SDE2: variants seen among roughly 807,000 people sequenced by gnomAD.
SDE2 encodes the protein spliceosome associated SDE2, also known as splicing regulator SDE2.
SDE2 carries 31 observed loss-of-function variants against 46.9 expected under a neutral mutation model. That is an observed-to-expected ratio of 0.66 (90% CI 0.50 to 0.89). SDE2 has a LOEUF of 0.89. Ranked by LOEUF, SDE2 falls within the 40% of genes least tolerant of loss-of-function variation. SDE2 has a pLI of 0.00. For missense variants in SDE2, 542 were observed against 564.4 expected, an observed-to-expected ratio of 0.96 and a Z score of 0.40; for synonymous variants, 205 against 204.3, an observed-to-expected ratio of 1.00 and a Z score of -0.03.
intron 5 of SDE2, among the ~76,000 whole-genome samples, chr1:225,990,572 T>TA (rs1656376617): frequency 6.6e-6 from 1 of 152,086 alleles, no homozygotes; most frequent in Non-Finnish European, 1.5e-5. Flanking sequence ...TAAACCTCAT[T>TA]AAAAAAATAC....
chr1:225,991,726 C>T (rs909936085), intron 4 of SDE2, among the ~76,000 whole-genome samples: 3 of 152,138 alleles, frequency 2.0e-5, no homozygotes, highest in African/African-American at 7.2e-5. Context: ...TTCGATTGTT[C>T]CCATACTAGG....
chr1:225,992,484 A>G lies in SDE2; in HGVS notation c.434T>C (p.Val145Ala), dbSNP rs755707070. ...GCTGGTGAAGCAGTGCTTGGGTTCT[A>G]CAAGCTTCCGCTGCAGTCGCTCCAG... ...KRLERLQRKL[V>A]EPKHCFTSPD... is the part of the protein sequence containing the mutation. The change falls in exon 4 of 7, where the codon GTA becomes GCA. Residue 145 changes from valine to alanine, a missense_variant. Val to Ala is a moderately conservative substitution (Grantham distance 64). Transcript: ENST00000272091. 2.5e-6 allele frequency: 4 copies of G among 1,612,854 alleles called. No homozygotes were observed. In the East Asian group the frequency reaches 6.7e-5, roughly 27 times the overall value.
At chr1:225,995,858 T>C (rs1656511031) in intron 1 of SDE2, among the ~76,000 whole-genome samples, 1 of 152,126 alleles carries the variant, frequency 6.6e-6, no homozygotes, top group Non-Finnish European at 1.5e-5. Context: ...AAGTACACCA[T>C]AGGAGACATA....
At chr1:225,989,846 C>T (rs917892625) in intron 5 of SDE2, among the ~76,000 whole-genome samples, 2 of 151,870 alleles carry the variant, frequency 1.3e-5, no homozygotes, top group African/African-American at 4.8e-5. Flanking sequence ...GAGGCTGAGG[C>T]GCGAGGATCA....
Position 225,991,369 on chromosome 1 carries a change from C to T in SDE2, c.521-6G>A, listed in dbSNP as rs755401891. The T allele has an allele frequency of 6.2e-7, 1 of 1,611,192 alleles. No individual in the cohort carries two copies. Among genetic ancestry groups the T allele is most frequent in the Non-Finnish European group, 8.5e-7 (1 of 1,177,906 alleles). ...GCTGGAGGCAGCCTGCATACCTAAC[C>T]AGAAATTTTAACAACTCAGTTTCTA... On this transcript the variant is annotated splice_polypyrimidine_tract_variant and splice_region_variant and intron_variant, in intron 4 of 6. Transcript: ENST00000272091.
chr1:225,992,931 G>A lies in SDE2; in HGVS notation c.310C>T (p.Leu104Phe). ...ACATCGCGTAGTCTCCTTCCACTGAGATCCCGACAAGCTTCTCGATTGGTT... is the reference window on the plus strand; with the variant it reads ...ACATCGCGTAGTCTCCTTCCACTGAAATCCCGACAAGCTTCTCGATTGGTT... ...KTTNREACRD[L>F]SGRRLRDVNH... The change falls in exon 3 of 7, where the codon CTC becomes TTC. Residue 104 changes from leucine to phenylalanine, a missense_variant. Transcript: ENST00000272091. 6.2e-7 allele frequency: 1 copy of A among 1,613,378 alleles called. No homozygotes were observed. The highest frequency in any genetic ancestry group is 8.5e-7 in the Non-Finnish European group (1 of 1,179,366).
intron 6 of SDE2, among the ~76,000 whole-genome samples, 178 bp from the exon 7 acceptor site, chr1:225,985,701 CTA>C (rs1414516743): frequency 6.6e-6 from 1 of 152,172 alleles, no homozygotes; most frequent in Non-Finnish European, 1.5e-5. Context: ...CACATAATAA[CTA>C]ATTTTTCATC....
At position 225,985,051 on chromosome 1, in the gene SDE2, G is replaced by A. The variant is rs1656238045; in HGVS notation, c.*251C>T. On this transcript the variant is annotated 3_prime_UTR_variant, in exon 7 of 7. Transcript: ENST00000272091. The stretch of plus-strand genomic sequence containing the variant: ...AGATTCATTACCTAAATGACACCAA[G>A]ATCAAACCAAAAAATGTGAATAGCC... 1 of 464,916 alleles carries A rather than the reference G, an allele frequency of 2.2e-6. No homozygotes were observed. The highest frequency in any genetic ancestry group is 3.9e-5 in the Admixed American group (1 of 25,902). The allele number at this position is 464,916 out of a possible 1,614,324, so 28.8% of individuals were successfully genotyped here.
At chr1:225,992,707 C>CAT (rs1403415230) in intron 3 of SDE2, 140 bp from the exon 4 acceptor site, 4 of 674,242 alleles carry the variant, frequency 5.9e-6, no homozygotes, top group Non-Finnish European at 1.0e-5. Context: ...TTACTACTAG[C>CAT]ATATGGTACT....
Position 225,983,215 on chromosome 1 carries a change from T to C in SDE2, c.*2087A>G, listed in dbSNP as rs1656191987. The stretch of plus-strand genomic sequence containing the variant: ...TAAATTAATAGAAAGAGGTATACTG[T>C]GCAAACACTAAGCTTAAGAAGGCTG... On this transcript the variant is annotated 3_prime_UTR_variant, in exon 7 of 7. Coordinates refer to ENST00000272091, the MANE Select transcript of SDE2 (RefSeq NM_152608.4). 1.3e-5 allele frequency: 2 copies of C among 152,214 alleles called. No individual in the cohort carries two copies. The allele number at this position is 152,214 out of a possible 1,614,324, so 9.4% of individuals were successfully genotyped here.
chr1:225,986,605 T>G (rs941689838), intron 6 of SDE2, among the ~76,000 whole-genome samples: 1 of 152,208 alleles, frequency 6.6e-6, no homozygotes, highest in African/African-American at 2.4e-5. Flanking sequence ...ACTTGGTTGT[T>G]AGGAATACAA....
chr1:225,985,530 G>GA lies in SDE2; in HGVS notation c.1135-8dup, dbSNP rs891678189. ...TAGTTTCCTTATCAATAACCTGAGG[G>GA]AAAAAAATAAGAAAATATTTAAAAC... On this transcript the variant is annotated splice_region_variant and splice_polypyrimidine_tract_variant and intron_variant, in intron 6 of 6. Coordinates refer to ENST00000272091, the MANE Select transcript of SDE2 (RefSeq NM_152608.4). The GA allele has an allele frequency of 4.5e-6, 7 of 1,559,050 alleles. No individual in the cohort carries two copies. The highest frequency in any genetic ancestry group is 1.1e-5 in the South Asian group (1 of 89,002).
At chr1:225,988,480 C>T (rs1334758726) in intron 5 of SDE2, 92 bp from the exon 6 acceptor site, 1 of 1,382,820 alleles carries the variant, frequency 7.2e-7, no homozygotes. Context: ...CCTGTAATCC[C>T]AGGACTTTGG....
rs994230259 is a variant in SDE2, at chr1:225,983,611, C to G, written c.*1691G>C. The G allele has an allele frequency of 6.6e-6, 1 of 152,066 alleles. No homozygotes were observed. Among genetic ancestry groups the G allele is most frequent in the Non-Finnish European group, 1.5e-5 (1 of 68,014 alleles). The allele number at this position is 152,066 out of a possible 1,614,324, so 9.4% of individuals were successfully genotyped here. A position where few individuals can be genotyped will look rare whatever the true frequency, so the allele number is the denominator to read the frequency against. The stretch of plus-strand genomic sequence containing the variant: ...TGCCCAGGCTGGTCTCGAAATGATC[C>G]TCCCACCTCAGCCTCTCAAATTACA... On this transcript the variant is annotated 3_prime_UTR_variant, in exon 7 of 7. Coordinates refer to ENST00000272091, the MANE Select transcript of SDE2 (RefSeq NM_152608.4).
At chr1:225,986,047 T>C (rs540065870) in intron 6 of SDE2, among the ~76,000 whole-genome samples, 43 of 152,266 alleles carry the variant, frequency 2.8e-4, no homozygotes, top group African/African-American at 8.9e-4. Flanking sequence ...AGTGCCTTTA[T>C]AGACTTTAAG....
chr1:225,986,384 A>G (rs1351854235), intron 6 of SDE2, among the ~76,000 whole-genome samples: 1 of 152,150 alleles, frequency 6.6e-6, no homozygotes, highest in Non-Finnish European at 1.5e-5. Context: ...TACCTTGAAA[A>G]GAATGAAAAT....
At position 225,982,829 on chromosome 1, in the gene SDE2, A is replaced by G. The variant is rs1656160484; in HGVS notation, c.*2473T>C. 1 of 152,202 alleles carries G rather than the reference A, an allele frequency of 6.6e-6. No homozygotes were observed. Among genetic ancestry groups the G allele is most frequent in the Non-Finnish European group, 1.5e-5 (1 of 68,034 alleles). The allele number at this position is 152,202 out of a possible 1,614,324, so 9.4% of individuals were successfully genotyped here. On this transcript the variant is annotated 3_prime_UTR_variant, in exon 7 of 7. Transcript: ENST00000272091. ...ATTTAAATATGTAGATTTAATATGTATGACAACTACAGCATAAAAGACAGG... is the reference window on the plus strand; with the variant it reads ...ATTTAAATATGTAGATTTAATATGTGTGACAACTACAGCATAAAAGACAGG...
intron 4 of SDE2, 128 bp from the exon 5 acceptor site, chr1:225,991,491 T>C (rs1656400704): frequency 1.6e-6 from 1 of 631,090 alleles, no homozygotes; most frequent in Non-Finnish European, 2.7e-6. Flanking sequence ...GATACCAACA[T>C]TTTATACAGT....
rs1558085699 is a variant in SDE2 at position 225,995,417 on chromosome 1, T to C, written c.121-34A>G. 6 of 1,077,564 alleles carry C rather than the reference T, an allele frequency of 5.6e-6. No homozygotes were observed. In the South Asian group the frequency reaches 7.6e-5, roughly 14 times the overall value. The allele number at this position is 1,077,564 out of a possible 1,614,324, so 66.8% of individuals were successfully genotyped here. ...AAATTTGTTTTTTTAATGCCTTTTA[T>C]GAGATAATAATCTAAGTTTGTTACA... On this transcript the variant is annotated intron_variant, in intron 1 of 6. Transcript: ENST00000272091.
Sources: gnomAD v4.1 joint callset for allele counts (sites outside exome capture counted in the v4.1 genomes callset) on GRCh38, gnomAD v4.1.1 for gene constraint, MANE v1.5 for transcripts, NCBI Gene and HGNC (gene_info 2026-07-23, HGNC 2026-07-21) for gene names.